GLRA3: variants seen among roughly 807,000 people sequenced by gnomAD.
The protein encoded by GLRA3 is glycine receptor subunit alpha-3.
GLRA3 carries 44 observed loss-of-function variants against 60.4 expected under a neutral mutation model. The observed-to-expected ratio is 0.73, with a 90% CI of 0.57 to 0.94. The LOEUF (loss-of-function observed/expected upper bound fraction) is 0.94, where lower values mean the gene tolerates loss of function less well. GLRA3 is among the 40% of genes least tolerant of loss of function. The pLI is 0.00. For missense variants in GLRA3, 508 were observed against 564.6 expected (o/e 0.90, Z 1.02); for synonymous variants, 223 against 192.9 (o/e 1.16, Z -1.29).
intron 4 of GLRA3, among the ~76,000 whole-genome samples, chr4:174,728,240 G>A (rs1465564664): frequency 6.6e-6 from 1 of 152,152 alleles, no homozygotes; most frequent in Non-Finnish European, 1.5e-5. Context: ...AGAATCACCA[G>A]GGACATTTGT....
chr4:174,665,559 G>T (rs1024728584), intron 7 of GLRA3, among the ~76,000 whole-genome samples: 2 of 152,094 alleles, frequency 1.3e-5, no homozygotes, highest in African/African-American at 4.8e-5. Context: ...TTGATTAGAA[G>T]GATGCAAAAA....
rs184599242 is a variant in GLRA3 at position 174,648,580 on chromosome 4, C to T, written c.1117-4516G>A. 2.4e-3 allele frequency among the ~76,000 whole-genome samples: 361 copies of T among 152,284 alleles called. 3 individuals are homozygous for T. Among genetic ancestry groups the T allele is most frequent in the African/African-American group, 7.8e-3 (326 of 41,564 alleles). On this transcript the variant is annotated intron_variant, in intron 9 of 9. Transcript: ENST00000274093. ...AGATATGTTAAGTATAGCAGCAAAT[C>T]TGGGGTGGCCATATGACAATGAGAA...
At chr4:174,656,879 G>C in intron 8 of GLRA3, 92 bp from the exon 9 acceptor site, 1 of 744,702 alleles carries the variant, frequency 1.3e-6, no homozygotes, top group South Asian at 1.5e-5. Context: ...GGTTGTAATT[G>C]TATATACCAT....
At chr4:174,777,969 T>C (rs1237465469) in intron 2 of GLRA3, among the ~76,000 whole-genome samples, 1 of 152,206 alleles carries the variant, frequency 6.6e-6, no homozygotes, top group African/African-American at 2.4e-5. Flanking sequence ...TTATTTTGTT[T>C]TTCAGCAAAT....
chr4:174,672,197 T>C (rs746372297), intron 7 of GLRA3, among the ~76,000 whole-genome samples: 114 of 152,216 alleles, frequency 7.5e-4, no homozygotes, highest in Admixed American at 1.8e-3. Context: ...ATGGCCATAG[T>C]GATGGGAGCA....
intron 1 of GLRA3, among the ~76,000 whole-genome samples, chr4:174,821,814 G>A (rs1046147312): frequency 6.6e-6 from 1 of 152,018 alleles, no homozygotes; most frequent in African/African-American, 2.4e-5. Context: ...TCTTGAAGTA[G>A]TTAATATCTT....
intron 1 of GLRA3, among the ~76,000 whole-genome samples, chr4:174,798,188 A>T (rs921974007): frequency 6.6e-6 from 1 of 152,054 alleles, no homozygotes; most frequent in African/African-American, 2.4e-5. Context: ...GGGAAGAATG[A>T]CTCTTGGGGA....
intron 5 of GLRA3, among the ~76,000 whole-genome samples, chr4:174,706,094 G>A (rs938239733): frequency 4.6e-5 from 7 of 152,144 alleles, no homozygotes; most frequent in Middle Eastern, 3.4e-3. Flanking sequence ...GCCGGGCGTG[G>A]TGGCGGGCAC....
chr4:174,816,306 A>G (rs766152379), intron 1 of GLRA3, among the ~76,000 whole-genome samples: 5 of 152,326 alleles, frequency 3.3e-5, no homozygotes, highest in Middle Eastern at 3.4e-3. Context: ...GTGAGTCACC[A>G]GGTTTATTTA....
chr4:174,636,992 T>C lies in GLRA3; in HGVS notation c.*6794A>G, dbSNP rs1732509690. ...GTTACATGTTAAATACTTTATACTGTTCACAGGTTAATGACTCTGATAGAG... is the reference window on the plus strand; with the variant it reads ...GTTACATGTTAAATACTTTATACTGCTCACAGGTTAATGACTCTGATAGAG... On this transcript the variant is annotated 3_prime_UTR_variant, in exon 10 of 10. Coordinates refer to ENST00000274093, the MANE Select transcript of GLRA3 (RefSeq NM_006529.4). 6.6e-6 allele frequency: 1 copy of C among 152,330 alleles called. No homozygotes were observed. Among genetic ancestry groups the C allele is most frequent in the Admixed American group, 6.5e-5 (1 of 15,294 alleles). 9.4% of individuals were successfully genotyped at this position (152,330 alleles called of 1,614,324 possible).
chr4:174,752,078 A>C (rs1205745744), intron 3 of GLRA3, among the ~76,000 whole-genome samples: 1 of 152,098 alleles, frequency 6.6e-6, no homozygotes, highest in African/African-American at 2.4e-5. Flanking sequence ...TAGTGCATGG[A>C]TGAGGAATAG....
chr4:174,820,658 T>A (rs768519586), intron 1 of GLRA3, among the ~76,000 whole-genome samples: 9 of 152,154 alleles, frequency 5.9e-5, no homozygotes, highest in Non-Finnish European at 1.0e-4. Flanking sequence ...GGATTCACAT[T>A]TTTTTCCCAG....
intron 3 of GLRA3, among the ~76,000 whole-genome samples, chr4:174,765,883 T>C (rs528419895): frequency 1.1e-3 from 164 of 152,038 alleles, no homozygotes; most frequent in African/African-American, 3.8e-3. Flanking sequence ...CTATACTAAC[T>C]TTGAATAGAA....
intron 3 of GLRA3, among the ~76,000 whole-genome samples, chr4:174,757,187 G>A (rs1737751909): frequency 6.6e-6 from 1 of 152,122 alleles, no homozygotes; most frequent in Admixed American, 6.5e-5. Flanking sequence ...TTATCAAGTT[G>A]AGAATATGTC....
At chr4:174,661,566 T>C (rs1351238117) in intron 7 of GLRA3, among the ~76,000 whole-genome samples, 2 of 152,230 alleles carry the variant, frequency 1.3e-5, no homozygotes, top group African/African-American at 2.4e-5. Flanking sequence ...GGGAGGATTA[T>C]GGCTGGAGGC....
In GLRA3 at chr4:174,643,804, A is replaced by C. The variant is rs781103156; in HGVS notation, c.1377T>G (p.Ile459Met). The change falls in exon 10 of 10, where the codon ATT becomes ATG. Residue 459 changes from isoleucine to methionine, a missense_variant. Ile to Met is a conservative substitution (Grantham distance 10). Transcript: ENST00000274093. ...CAGAGACTTAATCTTGCTGCTGATG[A>C]ATATCCTCATGCCTAAGAATTTTAT... ...VIYKILRHEDIHQQQD is the reference protein window; with the variant it reads ...VIYKILRHEDMHQQQD 3 of 1,612,736 alleles carry C rather than the reference A, an allele frequency of 1.9e-6. No homozygotes were observed. The highest frequency in any genetic ancestry group is 2.5e-6 in the Non-Finnish European group (3 of 1,179,114).
At chr4:174,742,235 A>G (rs1185366034) in intron 3 of GLRA3, among the ~76,000 whole-genome samples, 1 of 152,186 alleles carries the variant, frequency 6.6e-6, no homozygotes, top group East Asian at 1.9e-4. Flanking sequence ...ATGGATATTG[A>G]CCAAGGACTC....
intron 5 of GLRA3, among the ~76,000 whole-genome samples, chr4:174,701,392 A>G (rs1735312677): frequency 6.6e-6 from 1 of 152,180 alleles, no homozygotes. Flanking sequence ...TCCTTTCAAA[A>G]TATCACTGCT....
At chr4:174,760,594 G>C (rs2014095) in intron 3 of GLRA3, among the ~76,000 whole-genome samples, 143,906 of 152,116 alleles carry the variant, frequency 0.95, 68,570 homozygotes, top group East Asian at 1. Context: ...CATTTCAGCT[G>C]GCTGCAAACT....
Sources: gnomAD v4.1 joint callset for allele counts (sites outside exome capture counted in the v4.1 genomes callset) on GRCh38, gnomAD v4.1.1 for gene constraint, MANE v1.5 for transcripts, NCBI Gene and HGNC (gene_info 2026-07-23, HGNC 2026-07-21) for gene names.